Variants in CSMD1 observed in about 807,000 individuals in gnomAD.
CSMD1 encodes CUB and sushi domain-containing protein 1.
A neutral mutation model predicts 417.5 loss-of-function variants in CSMD1; 213 were observed. That is an observed-to-expected ratio of 0.51 (90% CI 0.46 to 0.57). The LOEUF (loss-of-function observed/expected upper bound fraction) is 0.57. CSMD1 is among the 20% of genes least tolerant of loss of function. The pLI is 0.00. For missense variants in CSMD1, 6,923 were observed against 4,529.7 expected, an observed-to-expected ratio of 1.53 and a Z score of -15.17; for synonymous variants, 2,862 against 1,736.8, an observed-to-expected ratio of 1.65 and a Z score of -16.11.
chr8:4,027,827 G>A (rs547759457), intron 4 of CSMD1, among the ~76,000 whole-genome samples: 2 of 151,130 alleles, frequency 1.3e-5, no homozygotes, highest in Admixed American at 1.3e-4. Context: ...TGAAGAGTAT[G>A]ACTTGAGATC....
In CSMD1 at chr8:4,912,417, G is replaced by A. The variant is rs577167570; in HGVS notation, c.85+81915C>T. Among the ~76,000 whole-genome samples the A allele has an allele frequency of 2.7e-5, 4 of 150,756 alleles. No individual in the cohort carries two copies. In the East Asian group the frequency reaches 5.9e-4, roughly 22 times the overall value. ...TTGCTGTGGGGTTGTCTAGATCAAT[G>A]CCATTGCAGAAAGGCTGGACAAGGA... On this transcript the variant is annotated intron_variant, in intron 1 of 69. Coordinates refer to ENST00000635120, the MANE Select transcript of CSMD1 (RefSeq NM_033225.6).
intron 1 of CSMD1, among the ~76,000 whole-genome samples, chr8:4,972,111 A>T (rs1414433439): frequency 1.3e-5 from 2 of 152,174 alleles, no homozygotes; most frequent in African/African-American, 4.8e-5. Flanking sequence ...ATCTGATAAA[A>T]GAAAGAGTAA....
chr8:3,893,998 T>C (rs964777004), intron 5 of CSMD1, among the ~76,000 whole-genome samples: 2 of 151,952 alleles, frequency 1.3e-5, no homozygotes, highest in African/African-American at 4.8e-5. Flanking sequence ...CATCTCCTTA[T>C]GAATAATAAT....
intron 3 of CSMD1, among the ~76,000 whole-genome samples, chr8:4,401,684 A>G (rs1373377633): frequency 1.3e-5 from 2 of 152,036 alleles, no homozygotes; most frequent in African/African-American, 4.8e-5. Flanking sequence ...AATACCGGAA[A>G]AACTCACCTC....
chr8:4,416,183 G>A (rs567870244), intron 3 of CSMD1, among the ~76,000 whole-genome samples: 4 of 152,144 alleles, frequency 2.6e-5, no homozygotes, highest in African/African-American at 7.2e-5. Context: ...AATAAATACC[G>A]GAGTCACTGT....
chr8:4,757,639 G>C (rs1194566904), intron 1 of CSMD1, among the ~76,000 whole-genome samples: 1 of 152,086 alleles, frequency 6.6e-6, no homozygotes, highest in Non-Finnish European at 1.5e-5. Flanking sequence ...CAGCTTTTAT[G>C]AATAACACAT....
intron 23 of CSMD1, among the ~76,000 whole-genome samples, chr8:3,322,247 C>T (rs1216219273): frequency 6.6e-6 from 1 of 152,146 alleles, no homozygotes; most frequent in African/African-American, 2.4e-5. Flanking sequence ...GAACATTTTC[C>T]TTCACCTCCT....
Position 4,814,196 on chromosome 8 carries a change from T to TTGTG in CSMD1, c.86-176642_86-176639dup, listed in dbSNP as rs35824182. Among the ~76,000 whole-genome samples the TTGTG allele has an allele frequency of 5.1e-3, 767 of 149,804 alleles. 6 individuals carry two copies. The highest frequency in any genetic ancestry group is 0.013 in the African/African-American group (544 of 40,714). The stretch of plus-strand genomic sequence containing the variant: ...GGTTTCTTCCATCTTCAGAATGATT[T>TTGTG]TGTGTGTGTGTGTGTGTGTGTGCGT... On this transcript the variant is annotated intron_variant, in intron 1 of 69. Transcript: ENST00000635120.
intron 5 of CSMD1, among the ~76,000 whole-genome samples, chr8:3,774,891 A>C (rs956364963): frequency 2.6e-5 from 4 of 152,148 alleles, no homozygotes; most frequent in Non-Finnish European, 5.9e-5. Context: ...CCATATGTAC[A>C]CAATGTCTTT....
At chr8:3,959,422 C>G (rs1305456625) in intron 5 of CSMD1, among the ~76,000 whole-genome samples, 2 of 152,162 alleles carry the variant, frequency 1.3e-5, no homozygotes, top group Non-Finnish European at 2.9e-5. Flanking sequence ...TCACTTGAAC[C>G]TGGGAGGTGG....
chr8:3,303,042 C>A (rs769958747), intron 25 of CSMD1, among the ~76,000 whole-genome samples: 26 of 152,180 alleles, frequency 1.7e-4, no homozygotes, highest in Non-Finnish European at 3.4e-4. Context: ...TTCTATAACT[C>A]TTTTACTTCA....
chr8:4,745,103 C>A (rs1810868488), intron 1 of CSMD1, among the ~76,000 whole-genome samples: 1 of 152,032 alleles, frequency 6.6e-6, no homozygotes, highest in African/African-American at 2.4e-5. Flanking sequence ...GTAAGAATGG[C>A]ATGTCAAAAT....
chr8:4,346,939 G>C (rs894830394), intron 3 of CSMD1, among the ~76,000 whole-genome samples: 1 of 152,136 alleles, frequency 6.6e-6, no homozygotes. Flanking sequence ...ATTTGAAAGT[G>C]AGTTTAGTTA....
chr8:4,747,009 G>C (rs879756054), intron 1 of CSMD1, among the ~76,000 whole-genome samples: 5 of 152,150 alleles, frequency 3.3e-5, no homozygotes, highest in African/African-American at 1.2e-4. Flanking sequence ...TCGTGAGAAG[G>C]CGGTTCAGAG....
intron 3 of CSMD1, among the ~76,000 whole-genome samples, chr8:4,047,920 A>G (rs375323752): frequency 1.3e-5 from 2 of 152,198 alleles, no homozygotes; most frequent in South Asian, 4.1e-4. Flanking sequence ...GTATTATAAA[A>G]ATTAGGATTG....
At chr8:4,123,722 T>C (rs1802610260) in intron 3 of CSMD1, among the ~76,000 whole-genome samples, 2 of 152,158 alleles carry the variant, frequency 1.3e-5, no homozygotes, top group South Asian at 2.1e-4. Flanking sequence ...AGAAGTCACA[T>C]TGTAGATCAT....
intron 5 of CSMD1, among the ~76,000 whole-genome samples, chr8:3,858,865 T>G (rs116614645): frequency 0.04 from 6,016 of 152,220 alleles, 131 homozygotes; most frequent in Middle Eastern, 0.071. Flanking sequence ...AATGCTCCAG[T>G]AGGATCAGGT....
intron 3 of CSMD1, among the ~76,000 whole-genome samples, chr8:4,386,462 C>G (rs543857633): frequency 5.3e-5 from 8 of 152,356 alleles, no homozygotes; most frequent in Non-Finnish European, 1.0e-4. Flanking sequence ...CTTTACATGT[C>G]CATCAAAACC....
chr8:3,226,223 C>T (rs1374228436), intron 27 of CSMD1, among the ~76,000 whole-genome samples: 3 of 152,060 alleles, frequency 2.0e-5, no homozygotes, highest in African/African-American at 7.2e-5. Flanking sequence ...GCAATTTGGA[C>T]TTGGGGAAAA....
Sources: gnomAD v4.1 joint callset for allele counts (sites outside exome capture counted in the v4.1 genomes callset) on GRCh38, gnomAD v4.1.1 for gene constraint, MANE v1.5 for transcripts, NCBI Gene and HGNC (gene_info 2026-07-23, HGNC 2026-07-21) for gene names.